The following JARID2 variants were observed in gnomAD, a reference collection of about 807,000 sequenced individuals.
JARID2 encodes jumonji and AT-rich interaction domain containing 2.
A neutral mutation model predicts 125.6 loss-of-function variants in JARID2; 21 were observed. The ratio of observed to expected loss-of-function variants is 0.17; its 90% CI spans 0.12 to 0.24. The LOEUF is 0.24. Among genes scored for constraint, JARID2 ranks in the 10% least tolerant of loss-of-function variants. The probability of loss-of-function intolerance (pLI) is 1.00; values close to 1 mark genes in which losing one functional copy is unlikely to be tolerated. For missense variants in JARID2, 1,303 were observed against 1,639.6 expected, an observed-to-expected ratio of 0.79 and a Z score of 3.55; for synonymous variants, 736 against 661.6, an observed-to-expected ratio of 1.11 and a Z score of -1.73.
At chr6:15,322,799 G>A (rs1311434779) in intron 1 of JARID2, among the ~76,000 whole-genome samples, 1 of 152,204 alleles carries the variant, frequency 6.6e-6, no homozygotes, top group East Asian at 1.9e-4. Flanking sequence ...GGAGATTTCA[G>A]CATAGAGAAG....
intron 5 of JARID2, 101 bp downstream of exon 5, chr6:15,468,819 G>T (rs191037863): frequency 1.7e-6 from 2 of 1,160,360 alleles, no homozygotes; most frequent in Non-Finnish European, 2.4e-6. Context: ...GGCAAAGCTC[G>T]TTCTGGGTAC....
intron 1 of JARID2, among the ~76,000 whole-genome samples, chr6:15,251,184 G>A (rs1359667781): frequency 6.6e-6 from 1 of 152,048 alleles, no homozygotes; most frequent in Non-Finnish European, 1.5e-5. Flanking sequence ...GCTAATTTTT[G>A]TATTTTAGTA....
intron 1 of JARID2, among the ~76,000 whole-genome samples, chr6:15,312,143 C>T (rs1762035396): frequency 6.6e-6 from 1 of 152,134 alleles, no homozygotes; most frequent in Non-Finnish European, 1.5e-5. Flanking sequence ...GCAGCCTTCA[C>T]CTCCCAGGTT....
intron 2 of JARID2, among the ~76,000 whole-genome samples, chr6:15,379,675 G>A (rs1764504806): frequency 6.6e-6 from 1 of 152,200 alleles, no homozygotes; most frequent in Non-Finnish European, 1.5e-5. Flanking sequence ...AGCCTACCTT[G>A]AGTTCTCACT....
At chr6:15,410,663 C>T (rs1765839463) in intron 3 of JARID2, among the ~76,000 whole-genome samples, 1 of 152,156 alleles carries the variant, frequency 6.6e-6, no homozygotes, top group African/African-American at 2.4e-5. Context: ...AATTGATTCT[C>T]AGCAGCAGCC....
chr6:15,288,350 G>A (rs1761079862), intron 1 of JARID2, among the ~76,000 whole-genome samples: 1 of 152,096 alleles, frequency 6.6e-6, no homozygotes, highest in Non-Finnish European at 1.5e-5. Flanking sequence ...TAAACACCCA[G>A]ATATCACAAG....
chr6:15,470,254 T>C (rs1581610213), intron 5 of JARID2, among the ~76,000 whole-genome samples: 1 of 152,148 alleles, frequency 6.6e-6, no homozygotes, highest in East Asian at 1.9e-4. Flanking sequence ...TGTTTTCTGT[T>C]GTCCTCCTAT....
chr6:15,385,376 G>A (rs1298163707), intron 2 of JARID2, among the ~76,000 whole-genome samples: 7 of 151,900 alleles, frequency 4.6e-5, no homozygotes, highest in African/African-American at 9.7e-5. Context: ...ACTCCTTAGC[G>A]CTTTACCTTA....
At chr6:15,254,694 A>G (rs1440872000) in intron 1 of JARID2, among the ~76,000 whole-genome samples, 1 of 152,174 alleles carries the variant, frequency 6.6e-6, no homozygotes, top group African/African-American at 2.4e-5. Context: ...GAACACTGAA[A>G]TATTATCAAC....
chr6:15,496,740 G>C lies in JARID2; in HGVS notation c.1515G>C (p.Gly505=), dbSNP rs1449835172. The C allele has an allele frequency of 6.2e-7, 1 of 1,613,730 alleles. No homozygotes were observed. The highest frequency in any genetic ancestry group is 1.6e-4 in the Middle Eastern group (1 of 6,062). ...ATCGGCCGAAGCGGGCCACGGCCGG[G>C]AAGAGCACGCCAGGCAGACAAGCAC... is the stretch of plus-strand genomic sequence containing the variant. ...ERNRPKRATA[G]KSTPGRQAHG... The change falls in exon 7 of 18, where the codon GGG becomes GGC. Residue 505 remains glycine, a synonymous_variant. Transcript: ENST00000341776.
intron 3 of JARID2, among the ~76,000 whole-genome samples, chr6:15,422,262 T>C (rs1475639777): frequency 1.3e-5 from 2 of 152,224 alleles, no homozygotes; most frequent in African/African-American, 2.4e-5. Flanking sequence ...ACTCTTTTTC[T>C]TTACTTTTCC....
At chr6:15,323,215 A>G (rs1028272439) in intron 1 of JARID2, among the ~76,000 whole-genome samples, 4 of 152,222 alleles carry the variant, frequency 2.6e-5, no homozygotes, top group African/African-American at 9.6e-5. Context: ...GGTTTCCCAA[A>G]TGCATTTCTC....
At chr6:15,261,217 G>A (rs1759859255) in intron 1 of JARID2, among the ~76,000 whole-genome samples, 4 of 152,020 alleles carry the variant, frequency 2.6e-5, no homozygotes, top group Admixed American at 6.6e-5. Flanking sequence ...AAGAAAGGAC[G>A]ATGTCACTTT....
intron 3 of JARID2, among the ~76,000 whole-genome samples, chr6:15,411,586 C>A (rs1765877494): frequency 6.6e-6 from 1 of 152,220 alleles, no homozygotes; most frequent in Non-Finnish European, 1.5e-5. Flanking sequence ...AGTGATGAAC[C>A]TGTTATATTA....
chr6:15,374,767 C>T (rs963151762), intron 2 of JARID2, among the ~76,000 whole-genome samples: 1 of 152,176 alleles, frequency 6.6e-6, no homozygotes, highest in African/African-American at 2.4e-5. Context: ...TCCTTGATGC[C>T]TGGAAAGAAA....
rs1406165348 is a variant in JARID2, at chr6:15,512,247, C to T, written c.2992C>T (p.His998Tyr). 1.2e-6 allele frequency: 2 copies of T among 1,614,172 alleles called. No homozygotes were observed. Among genetic ancestry groups the T allele is most frequent in the Admixed American group, 1.7e-5 (1 of 60,020 alleles). The part of the protein sequence containing the change: ...EVLCKEGIKV[H>Y]RTVQQSGQFV... ...GCTGTGCAAAGAGGGGATCAAGGTG[C>T]ACAGGACCGTGCAGCAGAGTGGCCA... The change falls in exon 14 of 18, where the codon CAC (histidine) becomes TAC (tyrosine). Residue 998 changes from histidine to tyrosine, a missense_variant. Coordinates refer to ENST00000341776, the MANE Select transcript of JARID2 (RefSeq NM_004973.4).
At chr6:15,455,100 G>A (rs547347370) in intron 4 of JARID2, among the ~76,000 whole-genome samples, 5 of 152,032 alleles carry the variant, frequency 3.3e-5, no homozygotes, top group African/African-American at 1.2e-4. Context: ...AGGCTGACAC[G>A]GTGGAATCCT....
At chr6:15,250,041 A>G (rs1208818075) in intron 1 of JARID2, among the ~76,000 whole-genome samples, 7 of 152,182 alleles carry the variant, frequency 4.6e-5, no homozygotes, top group Middle Eastern at 3.2e-3. Context: ...TTGATCAGGT[A>G]TCAGTTTGAA....
rs780593636 is a variant in JARID2 at position 15,496,672 on chromosome 6, G to A, written c.1447G>A (p.Gly483Arg). 4 of 1,612,904 alleles carry A rather than the reference G, an allele frequency of 2.5e-6. No individual in the cohort carries two copies. The highest frequency in any genetic ancestry group is 2.2e-5 in the East Asian group (1 of 44,874). ...CCCGGCCGAGAGAGGTCTGCTGAAC[G>A]GACACGTGAAGAAGGAAGTGCCGGA... ...KAPAERGLLN[G>R]HVKKEVPERS... Residue 483 changes from glycine to arginine, a missense_variant, in exon 7 of 18, where the codon GGA becomes AGA. Transcript: ENST00000341776.
Sources: gnomAD v4.1 joint callset for allele counts (sites outside exome capture counted in the v4.1 genomes callset) on GRCh38, gnomAD v4.1.1 for gene constraint, MANE v1.5 for transcripts, NCBI Gene and HGNC (gene_info 2026-07-23, HGNC 2026-07-21) for gene names.